GRM8: variants seen among roughly 807,000 people sequenced by gnomAD.
GRM8 encodes the protein glutamate metabotropic receptor 8, also known as metabotropic glutamate receptor 8.
In GRM8, 47 loss-of-function variants were observed where a neutral mutation model predicts 87.2. The ratio of observed to expected loss-of-function variants is 0.54; its 90% CI spans 0.43 to 0.69. GRM8 has a LOEUF of 0.69. Ranked by LOEUF, GRM8 falls within the 30% of genes least tolerant of loss-of-function variation. The pLI is 0.00. For synonymous variants in GRM8, 396 were observed against 404.5 expected (o/e 0.98, Z 0.25); for missense variants, 1,019 against 1,139.2 (o/e 0.89, Z 1.52).
chr7:126,933,286 G>A (rs1238358967), intron 3 of GRM8, among the ~76,000 whole-genome samples: 2 of 152,222 alleles, frequency 1.3e-5, no homozygotes, highest in Admixed American at 1.3e-4. Context: ...CCTTTAGGTT[G>A]TACAGTCAGG....
At chr7:127,007,436 G>A (rs1814429550) in intron 3 of GRM8, among the ~76,000 whole-genome samples, 1 of 151,680 alleles carries the variant, frequency 6.6e-6, no homozygotes, top group Admixed American at 6.6e-5. Flanking sequence ...TTACCCCTTA[G>A]GGAAAAATCC....
At chr7:126,781,696 T>C (rs2023735) in intron 6 of GRM8, among the ~76,000 whole-genome samples, 70,824 of 152,022 alleles carry the variant, frequency 0.47, 17,029 homozygotes, top group African/African-American at 0.53. Flanking sequence ...TCCTATCTGC[T>C]TTTTCTAAAA....
intron 2 of GRM8, among the ~76,000 whole-genome samples, chr7:127,174,130 A>T (rs966531656): frequency 2.0e-5 from 3 of 152,124 alleles, no homozygotes; most frequent in Non-Finnish European, 4.4e-5. Context: ...TCTATCCACA[A>T]TTGACTACAA....
intron 3 of GRM8, among the ~76,000 whole-genome samples, chr7:127,063,202 G>A (rs1426901450): frequency 9.2e-5 from 14 of 151,984 alleles, no homozygotes; most frequent in African/African-American, 2.9e-4. Flanking sequence ...GCAGTGAGCC[G>A]AGATCACGCC....
chr7:127,202,419 C>A (rs1034507071), intron 2 of GRM8, among the ~76,000 whole-genome samples: 2 of 152,164 alleles, frequency 1.3e-5, no homozygotes, highest in Non-Finnish European at 1.5e-5. Flanking sequence ...CTCAAGTGAT[C>A]TGCCTGCCTC....
rs76454344 is a variant in GRM8, at chr7:126,732,603, A to G, written c.1357+37262T>C. ...GCGTATAGAGAGCTTTATAAAGCAG[A>G]TCAAAAAATTCACTTATCCTTATTT... On this transcript the variant is annotated intron_variant, in intron 7 of 10. Transcript: ENST00000339582. Among the ~76,000 whole-genome samples, 380 of 152,268 alleles carry G rather than the reference A, an allele frequency of 2.5e-3. 3 individuals are homozygous for G. The highest frequency in any genetic ancestry group is 4.3e-3 in the Non-Finnish European group (294 of 68,008).
chr7:126,948,994 T>C (rs2131591390), intron 3 of GRM8, among the ~76,000 whole-genome samples: 1 of 152,366 alleles, frequency 6.6e-6, no homozygotes, highest in East Asian at 1.9e-4. Context: ...TTGGTAACTG[T>C]GTGACTTCAA....
At chr7:126,612,708 T>C (rs569984031) in intron 7 of GRM8, among the ~76,000 whole-genome samples, 54 of 152,222 alleles carry the variant, frequency 3.5e-4, no homozygotes, top group Non-Finnish European at 6.8e-4. Flanking sequence ...GTATCTATTA[T>C]CTTTGTAAGC....
At chr7:127,009,557 G>A (rs1034521636) in intron 3 of GRM8, among the ~76,000 whole-genome samples, 1 of 152,044 alleles carries the variant, frequency 6.6e-6, no homozygotes, top group South Asian at 2.1e-4. Context: ...GGAAATAAAT[G>A]CACCGCAGGA....
intron 3 of GRM8, among the ~76,000 whole-genome samples, chr7:127,025,349 C>T (rs1413889673): frequency 6.6e-6 from 1 of 152,044 alleles, no homozygotes; most frequent in Non-Finnish European, 1.5e-5. Flanking sequence ...ACCATCAATA[C>T]CAGCCACCAT....
At chr7:126,510,607 T>C (rs1811198786) in intron 9 of GRM8, among the ~76,000 whole-genome samples, 1 of 8,916 alleles carries the variant, frequency 1.1e-4, no homozygotes, top group Non-Finnish European at 2.4e-4. Context: ...ATGTAAAGAA[T>C]TGATTGATTG....
Position 126,703,970 on chromosome 7 carries a change from T to A in GRM8, c.1357+65895A>T, listed in dbSNP as rs539833682. 3.3e-5 allele frequency among the ~76,000 whole-genome samples: 5 copies of A among 152,180 alleles called. No individual in the cohort carries two copies. In the East Asian group the frequency reaches 9.7e-4, roughly 29 times the overall value. On this transcript the variant is annotated intron_variant, in intron 7 of 10. Transcript: ENST00000339582. Reference sequence around the variant, plus strand: ...CCTTACCTGCAAATTCACGAACACTTCCTCAGGCCCAGGAAGAACTGGACG... The same window carrying A: ...CCTTACCTGCAAATTCACGAACACTACCTCAGGCCCAGGAAGAACTGGACG...
In GRM8 at chr7:127,087,692, C is replaced by T. The variant is rs183671149; in HGVS notation, c.727+18804G>A. On this transcript the variant is annotated intron_variant, in intron 3 of 10. Coordinates refer to ENST00000339582, the MANE Select transcript of GRM8 (RefSeq NM_000845.3). ...AGATATCTGCTGTACAACGCTGCAC[C>T]CACAGTAAACACTAATGCAGCATGC... Among the ~76,000 whole-genome samples, 4 of 152,098 alleles carry T rather than the reference C, an allele frequency of 2.6e-5. No homozygotes were observed. In the South Asian group the frequency reaches 6.2e-4, roughly 24 times the overall value.
chr7:126,878,960 C>T (rs370146955), intron 6 of GRM8, among the ~76,000 whole-genome samples: 9 of 151,806 alleles, frequency 5.9e-5, no homozygotes, highest in Non-Finnish European at 1.0e-4. Context: ...GTCAGGAGTT[C>T]GAGACCAGCC....
At chr7:127,189,002 C>T (rs947894338) in intron 2 of GRM8, among the ~76,000 whole-genome samples, 1 of 152,180 alleles carries the variant, frequency 6.6e-6, no homozygotes, top group Non-Finnish European at 1.5e-5. Context: ...TCTATTGTAT[C>T]GTAAATCCAA....
chr7:126,587,585 A>G (rs1229797098), intron 8 of GRM8, among the ~76,000 whole-genome samples: 1 of 151,766 alleles, frequency 6.6e-6, no homozygotes, highest in Non-Finnish European at 1.5e-5. Flanking sequence ...GGACAAAAAA[A>G]CCAAACACCG....
chr7:126,932,114 A>T (rs1389509525), intron 3 of GRM8, among the ~76,000 whole-genome samples: 1 of 152,114 alleles, frequency 6.6e-6, no homozygotes, highest in Non-Finnish European at 1.5e-5. Flanking sequence ...TCTCTAAAAG[A>T]TGGCCATAAA....
intron 7 of GRM8, among the ~76,000 whole-genome samples, chr7:126,730,145 T>TGTAA (rs1337473932): frequency 1.3e-5 from 2 of 152,278 alleles, no homozygotes; most frequent in Middle Eastern, 3.4e-3. Flanking sequence ...CAGACTATGA[T>TGTAA]GTAAGACTCA....
chr7:127,238,485 C>T (rs1798110105), intron 2 of GRM8, among the ~76,000 whole-genome samples: 2 of 152,178 alleles, frequency 1.3e-5, no homozygotes, highest in African/African-American at 2.4e-5. Context: ...TTGGGAGGCA[C>T]ACATCATTCA....
Sources: allele counts gnomAD v4.1 joint callset (sites outside exome capture counted in the v4.1 genomes callset), GRCh38; gene constraint gnomAD v4.1.1; transcripts MANE v1.5; gene names NCBI Gene and HGNC (gene_info 2026-07-23, HGNC 2026-07-21).